RBFOX3: variants seen among roughly 807,000 people sequenced by gnomAD.
RBFOX3 encodes RNA binding fox-1 homolog 3.
In RBFOX3, 17 loss-of-function variants were observed where a neutral mutation model predicts 48.7. The ratio of observed to expected loss-of-function variants is 0.35; its 90% CI spans 0.24 to 0.52. The LOEUF (loss-of-function observed/expected upper bound fraction) is 0.52, where lower values mean the gene tolerates loss of function less well. RBFOX3 is among the 20% of genes least tolerant of loss of function. RBFOX3 has a pLI of 0.94. For missense variants in RBFOX3, 382 were observed against 497.5 expected (o/e 0.77, Z 2.21); for synonymous variants, 212 against 209.5 (o/e 1.01, Z -0.10).
Position 79,252,817 on chromosome 17 carries a change from C to T in RBFOX3, c.-73-17012G>A, listed in dbSNP as rs765147333. 1.3e-5 allele frequency among the ~76,000 whole-genome samples: 2 copies of T among 152,158 alleles called. No homozygotes were observed. The highest frequency in any genetic ancestry group is 2.4e-5 in the African/African-American group (1 of 41,430). ...GTCTTCATGTCCACAGAGAGTGAGG[C>T]GTGGACCCAGGCTTTCTGCCTCTCC... On this transcript the variant is annotated intron_variant, in intron 3 of 14. Transcript: ENST00000693108. This position sits in a 1 kb window ranked among gnomAD's most constrained non-coding sequence, Gnocchi z 4.0.
At chr17:79,578,432 G>A (rs1033944092) in intron 1 of RBFOX3, among the ~76,000 whole-genome samples, 83 of 152,376 alleles carry the variant, frequency 5.4e-4, no homozygotes, top group African/African-American at 2.0e-3. Flanking sequence ...TTCTGTGTGG[G>A]CACACAGGTG....
At chr17:79,124,743 C>A (rs1294774054) in intron 4 of RBFOX3, among the ~76,000 whole-genome samples, 1 of 152,240 alleles carries the variant, frequency 6.6e-6, no homozygotes, top group Non-Finnish European at 1.5e-5. Flanking sequence ...CCACCCCTTA[C>A]CCCGCCTCTG....
At chr17:79,543,743 G>A (rs1555791032) in intron 1 of RBFOX3, among the ~76,000 whole-genome samples, 2 of 152,226 alleles carry the variant, frequency 1.3e-5, no homozygotes, top group African/African-American at 2.4e-5. Flanking sequence ...TCATTAGTGC[G>A]GATGGAGTTT....
chr17:79,287,969 C>T (rs928199328), intron 3 of RBFOX3, among the ~76,000 whole-genome samples: 21 of 152,200 alleles, frequency 1.4e-4, no homozygotes, highest in African/African-American at 5.1e-4. Context: ...CGGGCCATTC[C>T]GGGCGCTGCT....
At chr17:79,432,538 T>C (rs1037315626) in intron 2 of RBFOX3, among the ~76,000 whole-genome samples, 2 of 152,270 alleles carry the variant, frequency 1.3e-5, no homozygotes, top group Admixed American at 1.3e-4. Context: ...GTGCAACCTG[T>C]TTCGTTAAAA....
chr17:79,494,383 C>T (rs1037897987), intron 1 of RBFOX3, among the ~76,000 whole-genome samples: 16 of 152,218 alleles, frequency 1.1e-4, no homozygotes, highest in Admixed American at 3.9e-4. Flanking sequence ...GGGCAAGTAG[C>T]ATAACGTCTT....
intron 1 of RBFOX3, among the ~76,000 whole-genome samples, chr17:79,523,420 C>T (rs922945517): frequency 4.6e-5 from 7 of 152,242 alleles, no homozygotes; most frequent in Non-Finnish European, 7.4e-5. Flanking sequence ...GTTCAGAGGG[C>T]GGGAAACGGG....
chr17:79,381,861 G>T (rs188679278), intron 2 of RBFOX3, among the ~76,000 whole-genome samples: 2 of 152,168 alleles, frequency 1.3e-5, no homozygotes, highest in East Asian at 3.9e-4. Context: ...ATTTGGAAAC[G>T]CAGACAGAAG....
At chr17:79,415,488 C>T (rs1045383400) in intron 2 of RBFOX3, among the ~76,000 whole-genome samples, 3 of 152,218 alleles carry the variant, frequency 2.0e-5, no homozygotes, top group African/African-American at 7.2e-5. Context: ...CATCTCGGCT[C>T]TTGTATTTCA....
intron 10 of RBFOX3, 111 bp downstream of exon 10, chr17:79,097,581 C>A: frequency 1.5e-6 from 2 of 1,311,374 alleles, no homozygotes; most frequent in Admixed American, 2.7e-5. Context: ...GACGGGAGGG[C>A]GGGGACGGCC....
At chr17:79,378,491 C>T (rs567111125) in intron 2 of RBFOX3, among the ~76,000 whole-genome samples, 31 of 152,308 alleles carry the variant, frequency 2.0e-4, no homozygotes, top group African/African-American at 6.7e-4. Context: ...GCCCAGGTGT[C>T]GGACTCGCTA....
chr17:79,425,214 C>T (rs10445222), intron 2 of RBFOX3, among the ~76,000 whole-genome samples: 74,745 of 152,028 alleles, frequency 0.49, 18,442 homozygotes, highest in African/African-American at 0.53. Context: ...TGCAAACCCC[C>T]CTTCCTGGAG....
intron 10 of RBFOX3, 84 bp downstream of exon 10, chr17:79,097,608 T>G: frequency 2.0e-4 from 97 of 488,608 alleles, no homozygotes; most frequent in Non-Finnish European, 2.5e-4. Flanking sequence ...GCCCCGCCCC[T>G]CATGCCCCGC....
chr17:79,147,490 TG>T (rs2043275108), intron 4 of RBFOX3, among the ~76,000 whole-genome samples: 1 of 152,148 alleles, frequency 6.6e-6, no homozygotes, highest in Non-Finnish European at 1.5e-5. Context: ...AGAAGAGGCC[TG>T]GGGAGTTCCC....
chr17:79,494,224 C>A (rs1480331169), intron 1 of RBFOX3, among the ~76,000 whole-genome samples: 1 of 152,124 alleles, frequency 6.6e-6, no homozygotes, highest in Admixed American at 6.5e-5. Flanking sequence ...TACAACTGGG[C>A]TAGGTGGTGG....
At chr17:79,563,933 A>C (rs1252559775) in intron 1 of RBFOX3, among the ~76,000 whole-genome samples, 1 of 152,208 alleles carries the variant, frequency 6.6e-6, no homozygotes, top group Admixed American at 6.5e-5. Flanking sequence ...AAGAATAATG[A>C]TTCTAAGAAA....
chr17:79,477,257 T>TAAAAAA lies in RBFOX3; in HGVS notation c.-175+5191_-175+5196dup, dbSNP rs138984353. Among the ~76,000 whole-genome samples, 24 of 113,320 alleles carry TAAAAAA rather than the reference T, an allele frequency of 2.1e-4. No homozygotes were observed. Among genetic ancestry groups the TAAAAAA allele is most frequent in the African/African-American group, 8.0e-4 (23 of 28,596 alleles). The allele number at this position is 113,320 out of a possible 152,430, so 74.3% of individuals were successfully genotyped here. A position where few individuals can be genotyped will look rare whatever the true frequency, so the allele number is the denominator to read the frequency against. On this transcript the variant is annotated intron_variant, in intron 2 of 14. Coordinates refer to ENST00000693108, the MANE Select transcript of RBFOX3 (RefSeq NM_001350451.2). The surrounding 1 kb of genome is among the most constrained non-coding windows in gnomAD (Gnocchi z 4.8). ...CAAAAAAAAATAAATAAAGATAAAT[T>TAAAAAA]AAAAAAAAAAAAAAAAAAAGAGGGC...
intron 3 of RBFOX3, among the ~76,000 whole-genome samples, chr17:79,290,461 A>AC (rs140446496): frequency 0.028 from 4,304 of 151,956 alleles, 112 homozygotes; most frequent in African/African-American, 0.068. Context: ...TCCCATGAGG[A>AC]CCCGAAAGCA....
intron 1 of RBFOX3, among the ~76,000 whole-genome samples, chr17:79,534,395 TG>T (rs1269328330): frequency 6.6e-6 from 1 of 152,024 alleles, no homozygotes; most frequent in Non-Finnish European, 1.5e-5. Context: ...TGCTCAGGAG[TG>T]GCTCAGAGGG....
Sources: gnomAD v4.1 joint callset for allele counts (sites outside exome capture counted in the v4.1 genomes callset) on GRCh38, gnomAD v4.1.1 for gene constraint, Gnocchi (gnomAD v3.1) non-coding constraint, MANE v1.5 for transcripts, NCBI Gene and HGNC (gene_info 2026-07-23, HGNC 2026-07-21) for gene names.